Variants in ALCAM observed in about 807,000 individuals in gnomAD.
ALCAM encodes the protein CD166 antigen.
Under a neutral mutation model 70.9 loss-of-function variants are expected in ALCAM, and 30 were observed. That is an observed-to-expected ratio of 0.42 (90% CI 0.32 to 0.57). The LOEUF (loss-of-function observed/expected upper bound fraction) is 0.57. Ranked by LOEUF, ALCAM falls within the 20% of genes least tolerant of loss-of-function variation. The probability of loss-of-function intolerance (pLI) is 0.11; values close to 1 mark genes in which losing one functional copy is unlikely to be tolerated. For missense variants in ALCAM, 591 were observed against 695.1 expected (o/e 0.85, Z 1.68); for synonymous variants, 249 against 242.5 (o/e 1.03, Z -0.25).
chr3:105,571,909 A>G lies in ALCAM; in HGVS notation c.1722A>G (p.Leu574=), dbSNP rs1352842976. Residue 574 remains leucine (L), a synonymous_variant, in exon 15 of 16, where the codon TTA becomes TTG. Coordinates refer to ENST00000306107, the MANE Select transcript of ALCAM (RefSeq NM_001627.4). Reference sequence around the variant, plus strand: ...GTAATATGGAAGAAAACAAAAAGTTAGAAGAAAACAATCACAAAACTGAAG... The same window carrying G: ...GTAATATGGAAGAAAACAAAAAGTTGGAAGAAAACAATCACAAAACTGAAG... ...DLGNMEENKK[L]EENNHKTEA is the part of the protein sequence containing the mutation. The G allele has an allele frequency of 6.2e-7, 1 of 1,613,550 alleles. No homozygotes were observed. Among genetic ancestry groups the G allele is most frequent in the South Asian group, 1.1e-5 (1 of 91,048 alleles).
At chr3:105,457,461 C>T (rs1202475608) in intron 1 of ALCAM, among the ~76,000 whole-genome samples, 1 of 151,936 alleles carries the variant, frequency 6.6e-6, no homozygotes, top group South Asian at 2.1e-4. Flanking sequence ...TAGGCTTAAT[C>T]CCTGGGGGAT....
chr3:105,559,366 T>TA (rs201684512), intron 14 of ALCAM, among the ~76,000 whole-genome samples: 3,834 of 148,638 alleles, frequency 0.026, 69 homozygotes, highest in Middle Eastern at 0.049. Flanking sequence ...GGGGTGGCTT[T>TA]AAAAAAAAAC....
intron 6 of ALCAM, among the ~76,000 whole-genome samples, chr3:105,537,812 T>C (rs17189101): frequency 0.083 from 12,707 of 152,186 alleles, 668 homozygotes; most frequent in Non-Finnish European, 0.12. Flanking sequence ...GAAAAGTTCA[T>C]TGAGGCAGGG....
At chr3:105,452,788 C>T (rs1175883562) in intron 1 of ALCAM, among the ~76,000 whole-genome samples, 1 of 152,174 alleles carries the variant, frequency 6.6e-6, no homozygotes, top group Admixed American at 6.5e-5. Flanking sequence ...GATGGTATCT[C>T]ACTGTGGTTT....
chr3:105,550,095 T>C, intron 11 of ALCAM, 32 bp from the exon 12 acceptor site: 2 of 1,556,924 alleles, frequency 1.3e-6, no homozygotes, highest in African/African-American at 2.8e-5. Flanking sequence ...CCATTTTGAT[T>C]TCTAAACCCA....
intron 11 of ALCAM, 28 bp from the exon 12 acceptor site, chr3:105,550,099 A>G (rs1559652783): frequency 6.4e-7 from 1 of 1,562,806 alleles, no homozygotes; most frequent in Non-Finnish European, 8.8e-7. Context: ...TTTGATTTCT[A>G]AACCCACCTT....
rs557312653 is a variant in ALCAM, at chr3:105,419,099, T to C, written c.73+51618T>C. Among the ~76,000 whole-genome samples, 27 of 151,828 alleles carry C rather than the reference T, an allele frequency of 1.8e-4. No individual in the cohort carries two copies. The East Asian group carries it at 5.1e-3, about 28-fold the overall frequency. On this transcript the variant is annotated intron_variant, in intron 1 of 15. Coordinates refer to ENST00000306107, the MANE Select transcript of ALCAM (RefSeq NM_001627.4). ...TGTTAGAAGAAGATGCTGTATTATATAGGATAAAAATTATTATATAATACC... is the reference window on the plus strand; with the variant it reads ...TGTTAGAAGAAGATGCTGTATTATACAGGATAAAAATTATTATATAATACC...
At position 105,489,202 on chromosome 3, in the gene ALCAM, C is replaced by G. The variant is rs150311795; in HGVS notation, c.74-30865C>G. On this transcript the variant is annotated intron_variant, in intron 1 of 15. Transcript: ENST00000306107. ...TGTTCTGCTCAAAATCAATGCATCT[C>G]AAATTTAATGTGGATACAAATCATG... Among the ~76,000 whole-genome samples, 361 of 152,248 alleles carry G rather than the reference C, an allele frequency of 2.4e-3. 1 individual carries two copies. The highest frequency in any genetic ancestry group is 8.2e-3 in the African/African-American group (340 of 41,554).
intron 1 of ALCAM, among the ~76,000 whole-genome samples, chr3:105,443,013 T>C (rs962513842): frequency 2.0e-5 from 3 of 152,026 alleles, no homozygotes; most frequent in Non-Finnish European, 2.9e-5. Flanking sequence ...TGTATAGAGA[T>C]GGGGATCTTG....
intron 1 of ALCAM, among the ~76,000 whole-genome samples, chr3:105,442,307 T>G (rs1367852990): frequency 6.6e-6 from 1 of 152,222 alleles, no homozygotes; most frequent in African/African-American, 2.4e-5. Flanking sequence ...TGAACTATTA[T>G]TTTCAAAATA....
intron 1 of ALCAM, among the ~76,000 whole-genome samples, chr3:105,515,168 T>C (rs780023982): frequency 6.6e-6 from 1 of 152,038 alleles, no homozygotes; most frequent in Non-Finnish European, 1.5e-5. Flanking sequence ...AGCTGAGAGA[T>C]AAGATAACTC....
chr3:105,474,849 T>G (rs994244517), intron 1 of ALCAM, among the ~76,000 whole-genome samples: 2 of 151,812 alleles, frequency 1.3e-5, no homozygotes, highest in Non-Finnish European at 2.9e-5. Context: ...TTGTTGTTTT[T>G]TTGTCACATA....
At chr3:105,572,556 G>A (rs1170570999) in intron 15 of ALCAM, among the ~76,000 whole-genome samples, 1 of 152,146 alleles carries the variant, frequency 6.6e-6, no homozygotes, top group South Asian at 2.1e-4. Flanking sequence ...ATGTGGATGT[G>A]TGTTTATAGT....
At chr3:105,385,704 C>G (rs965351967) in intron 1 of ALCAM, among the ~76,000 whole-genome samples, 4 of 151,572 alleles carry the variant, frequency 2.6e-5, no homozygotes, top group African/African-American at 9.7e-5. Context: ...CCAAATTTAA[C>G]AATGTGTGTC....
At chr3:105,472,133 T>C (rs1576185777) in intron 1 of ALCAM, among the ~76,000 whole-genome samples, 1 of 151,562 alleles carries the variant, frequency 6.6e-6, no homozygotes, top group African/African-American at 2.4e-5. Context: ...GATTTCCTTC[T>C]TTCTTGTGGC....
At chr3:105,413,864 A>G (rs1312853490) in intron 1 of ALCAM, among the ~76,000 whole-genome samples, 1 of 152,180 alleles carries the variant, frequency 6.6e-6, no homozygotes, top group Non-Finnish European at 1.5e-5. Context: ...ACTAAATGGA[A>G]GAATAAATAA....
chr3:105,438,159 C>T (rs1937091868), intron 1 of ALCAM, among the ~76,000 whole-genome samples: 1 of 151,774 alleles, frequency 6.6e-6, no homozygotes, highest in Non-Finnish European at 1.5e-5. Context: ...AATTATTGAT[C>T]TTCTGCTACT....
intron 1 of ALCAM, among the ~76,000 whole-genome samples, chr3:105,402,070 T>C (rs1214276579): frequency 6.6e-6 from 1 of 151,356 alleles, no homozygotes; most frequent in Non-Finnish European, 1.5e-5. Flanking sequence ...ATAACAATCA[T>C]GAAGCTTTAC....
chr3:105,537,699 G>A (rs1940006893), intron 6 of ALCAM, among the ~76,000 whole-genome samples: 1 of 152,104 alleles, frequency 6.6e-6, no homozygotes, highest in Non-Finnish European at 1.5e-5. Context: ...AAGCTTCCTA[G>A]TCTCATGTAA....
Sources: gnomAD v4.1 joint callset for allele counts (sites outside exome capture counted in the v4.1 genomes callset) on GRCh38, gnomAD v4.1.1 for gene constraint, MANE v1.5 for transcripts, NCBI Gene and HGNC (gene_info 2026-07-23, HGNC 2026-07-21) for gene names.